Variants in LIPI observed in about 807,000 individuals in gnomAD.
LIPI encodes the protein lipase member I.
In LIPI, 59 loss-of-function variants were observed where a neutral mutation model predicts 50.6. The observed-to-expected ratio is 1.16, with a 90% confidence interval of 0.94 to 1.45. The LOEUF (loss-of-function observed/expected upper bound fraction) is 1.45. Ranked by LOEUF, LIPI falls within the 40% of genes most tolerant of loss-of-function variation. LIPI has a pLI of 0.00. For synonymous variants in LIPI, 203 were observed against 178.2 expected (o/e 1.14, Z -1.11); for missense variants, 586 against 536.3 (o/e 1.09, Z -0.92).
At chr21:14,196,121 G>C (rs569579698) in intron 1 of LIPI, among the ~76,000 whole-genome samples, 4 of 34,640 alleles carry the variant, frequency 1.2e-4, no homozygotes, top group Non-Finnish European at 2.5e-4. Flanking sequence ...TTACGAGTTC[G>C]TAGCGTTTTT....
intron 4 of LIPI, 146 bp from the exon 5 acceptor site, chr21:14,166,597 T>G: frequency 1.5e-6 from 1 of 645,566 alleles, no homozygotes; most frequent in South Asian, 1.8e-5. Flanking sequence ...AAGATAAGTT[T>G]TTCTTCTATA....
chr21:14,154,346 C>T (rs1023455891), intron 7 of LIPI, among the ~76,000 whole-genome samples: 8 of 151,770 alleles, frequency 5.3e-5, no homozygotes, highest in Non-Finnish European at 1.0e-4. Flanking sequence ...CTTTTCATTT[C>T]TGACTGAGGG....
At chr21:14,145,093 C>T (rs957784579) in intron 8 of LIPI, among the ~76,000 whole-genome samples, 3 of 152,180 alleles carry the variant, frequency 2.0e-5, no homozygotes, top group South Asian at 2.1e-4. Context: ...TTACATTTGA[C>T]TAGAATTAGA....
At chr21:14,118,640 G>T (rs764665134) in intron 9 of LIPI, among the ~76,000 whole-genome samples, 21 of 152,160 alleles carry the variant, frequency 1.4e-4, no homozygotes, top group Non-Finnish European at 2.6e-4. Flanking sequence ...TAGTTGCCAG[G>T]AGTATGGAAG....
chr21:14,110,880 A>T (rs185500903), intron 9 of LIPI, among the ~76,000 whole-genome samples: 2 of 149,448 alleles, frequency 1.3e-5, no homozygotes, highest in African/African-American at 4.9e-5. Flanking sequence ...ATCTCTCTCT[A>T]TATATAGGTG....
At chr21:14,119,643 CA>C (rs2123331070) in intron 9 of LIPI, among the ~76,000 whole-genome samples, 1 of 152,306 alleles carries the variant, frequency 6.6e-6, no homozygotes, top group African/African-American at 2.4e-5. Context: ...TCAAGGAAAT[CA>C]AGAAAGCTTT....
rs533487986 is a variant in LIPI at position 14,172,003 on chromosome 21, C to T, written c.644-5552G>A. ...GCTAATATCCAGAATCTACAATGAACTCAAACAAATTTACAAGAAAAAAAC... is the reference window on the plus strand; with the variant it reads ...GCTAATATCCAGAATCTACAATGAATTCAAACAAATTTACAAGAAAAAAAC... On this transcript the variant is annotated intron_variant, in intron 4 of 9. Coordinates refer to ENST00000681601, the MANE Select transcript of LIPI (RefSeq NM_001302998.2). Among the ~76,000 whole-genome samples the T allele has an allele frequency of 7.7e-3, 1,174 of 151,906 alleles. 20 individuals are homozygous for T. Among genetic ancestry groups the T allele is most frequent in the African/African-American group, 0.026 (1,069 of 41,396 alleles).
At chr21:14,172,097 C>A (rs979435056) in intron 4 of LIPI, among the ~76,000 whole-genome samples, 1 of 152,142 alleles carries the variant, frequency 6.6e-6, no homozygotes, top group Admixed American at 6.5e-5. Context: ...ACCTATGCAG[C>A]CAAAAAACAC....
At chr21:14,113,286 T>C (rs1449462207) in intron 9 of LIPI, among the ~76,000 whole-genome samples, 1 of 152,194 alleles carries the variant, frequency 6.6e-6, no homozygotes, top group East Asian at 1.9e-4. Context: ...CTAGCACAAA[T>C]GTGAGACTCA....
chr21:14,109,673 T>A (rs975293176), intron 9 of LIPI, among the ~76,000 whole-genome samples: 2 of 152,054 alleles, frequency 1.3e-5, no homozygotes, highest in African/African-American at 4.8e-5. Flanking sequence ...GCTCATGACC[T>A]TAGTAGCATA....
intron 9 of LIPI, among the ~76,000 whole-genome samples, chr21:14,125,618 C>T (rs549657580): frequency 1.3e-5 from 2 of 152,276 alleles, no homozygotes; most frequent in African/African-American, 2.4e-5. Flanking sequence ...AGAGCAGTGG[C>T]GCGATCTCTG....
In LIPI at chr21:14,209,203, T is replaced by C. The variant is rs148771882; in HGVS notation, c.46+1597A>G. 2.7e-4 allele frequency among the ~76,000 whole-genome samples: 41 copies of C among 152,320 alleles called. No homozygotes were observed. The East Asian group carries it at 6.8e-3, about 25-fold the overall frequency. ...TACAGATACATAGATGTACTGTATA[T>C]CTGTATAAAGTTTTTTGATCTATCT... On this transcript the variant is annotated intron_variant, in intron 1 of 9. Coordinates refer to ENST00000681601, the MANE Select transcript of LIPI (RefSeq NM_001302998.2).
At chr21:14,187,133 C>T (rs2822439) in intron 2 of LIPI, among the ~76,000 whole-genome samples, 39,010 of 152,006 alleles carry the variant, frequency 0.26, 5,301 homozygotes, top group Middle Eastern at 0.34. Context: ...TAGGTGACTT[C>T]CTTCCCCTGA....
At chr21:14,205,359 A>C (rs1192492020) in intron 1 of LIPI, among the ~76,000 whole-genome samples, 3 of 151,928 alleles carry the variant, frequency 2.0e-5, no homozygotes, top group Non-Finnish European at 4.4e-5. Flanking sequence ...GTTTCTGAAA[A>C]CTAAGGATAA....
rs567105224 is a variant in LIPI at position 14,207,763 on chromosome 21, T to C, written c.46+3037A>G. 5.9e-5 allele frequency among the ~76,000 whole-genome samples: 9 copies of C among 152,326 alleles called. No homozygotes were observed. The South Asian group carries it at 1.9e-3, about 32-fold the overall frequency. ...ACGGAGAAGTTTTACATCTGGAAAT[T>C]ATCTAAAAGAATTAAAGAGAAAATG... On this transcript the variant is annotated intron_variant, in intron 1 of 9. Coordinates refer to ENST00000681601, the MANE Select transcript of LIPI (RefSeq NM_001302998.2).
chr21:14,143,767 A>G (rs1044288698), intron 9 of LIPI: 1 of 152,226 alleles, frequency 6.6e-6, no homozygotes, highest in African/African-American at 2.4e-5. Context: ...GGTGTTGTCA[A>G]TGGAAATATG....
rs571303151 is a variant in LIPI, at chr21:14,135,785, A to G, written c.1295+8838T>C. Among the ~76,000 whole-genome samples, 951 of 152,220 alleles carry G rather than the reference A, an allele frequency of 6.2e-3. 14 individuals carry two copies. Among genetic ancestry groups the G allele is most frequent in the African/African-American group, 0.022 (920 of 41,518 alleles). On this transcript the variant is annotated intron_variant, in intron 9 of 9. Transcript: ENST00000681601. The stretch of plus-strand genomic sequence containing the variant: ...TAGGGCTGAACTAGGCCCAGAGGCA[A>G]TAGATTGAGGGGCCATGTCACATAC...
chr21:14,169,900 C>T (rs949558030), intron 4 of LIPI, among the ~76,000 whole-genome samples: 8 of 151,958 alleles, frequency 5.3e-5, no homozygotes, highest in African/African-American at 1.7e-4. Context: ...ACAAAAAACC[C>T]TTCAAAAAAT....
intron 9 of LIPI, among the ~76,000 whole-genome samples, chr21:14,115,465 A>G (rs1568829116): frequency 6.6e-6 from 1 of 152,252 alleles, no homozygotes; most frequent in African/African-American, 2.4e-5. Context: ...GAGCCAGGTG[A>G]TCACCTTTTA....
Sources: gnomAD v4.1 joint callset for allele counts (sites outside exome capture counted in the v4.1 genomes callset) on GRCh38, gnomAD v4.1.1 for gene constraint, MANE v1.5 for transcripts, NCBI Gene and HGNC (gene_info 2026-07-23, HGNC 2026-07-21) for gene names.